The following OOEP variants were observed in gnomAD, a reference collection of about 807,000 sequenced individuals.
OOEP encodes the protein oocyte-expressed protein homolog.
A neutral mutation model predicts 13.7 loss-of-function variants in OOEP; 16 were observed. That is an observed-to-expected ratio of 1.16 (90% CI 0.79 to 1.77). The LOEUF (loss-of-function observed/expected upper bound fraction) is 1.77. Among genes scored for constraint, OOEP ranks in the 40% most tolerant of loss-of-function variants. OOEP has a pLI of 0.00. For missense variants in OOEP, 195 were observed against 193.1 expected (o/e 1.01, Z -0.06); for synonymous variants, 89 against 77.1 (o/e 1.15, Z -0.81).
chr6:73,394,840 C>G, exon 1 of OOEP: 2 of 1,576,814 alleles, frequency 1.3e-6, no homozygotes, highest in Non-Finnish European at 8.6e-7. Context: ...GCTACTCTTA[C>G]GACGTCACGG....
chr6:73,368,988 T>TA (rs1768999820), intron 2 of OOEP, 125 bp from the exon 3 acceptor site: 1 of 852,860 alleles, frequency 1.2e-6, no homozygotes, highest in Admixed American at 2.1e-5. Flanking sequence ...CAGGTGAGGC[T>TA]GACTTGGGCA....
intron 2 of OOEP, among the ~76,000 whole-genome samples, chr6:73,384,829 C>T (rs935856373): frequency 3.9e-5 from 6 of 151,934 alleles, no homozygotes; most frequent in East Asian, 2.0e-4. Context: ...CTGTGCCTCC[C>T]GGGTTCAAGT....
chr6:73,392,874 G>C (rs9350496), intron 2 of OOEP, among the ~76,000 whole-genome samples: 142,826 of 151,590 alleles, frequency 0.94, 67,870 homozygotes, highest in East Asian at 1. Flanking sequence ...TTGTGATCCA[G>C]CCGCCTCTGC....
intron 2 of OOEP, among the ~76,000 whole-genome samples, chr6:73,388,719 C>T (rs1186122817): frequency 1.3e-5 from 2 of 152,222 alleles, no homozygotes; most frequent in East Asian, 3.8e-4. Flanking sequence ...ACATCCATCT[C>T]ACAGGAGTTT....
exon 1 of OOEP, chr6:73,394,750 T>C (rs969021506): frequency 1.7e-5 from 18 of 1,066,934 alleles, no homozygotes; most frequent in South Asian, 8.2e-5. Flanking sequence ...CAGTGCGAAG[T>C]GGGCGGGATA....
chr6:73,394,809 G>C (rs1769425812), exon 1 of OOEP: 1 of 1,531,080 alleles, frequency 6.5e-7, no homozygotes, highest in Non-Finnish European at 8.8e-7. Flanking sequence ...TTAAGTAGCG[G>C]CTGCGTGGCT....
At position 73,376,344 on chromosome 6, in the gene OOEP, G is replaced by GTTT. The variant is rs70994194; in HGVS notation, c.26-6962_26-6960dup. ...TCGCAGCTGTTTTGGACAAGGGGTT[G>GTTT]TTTTTTTTTTTTTTTTTTTTTTTTT... is the stretch of plus-strand genomic sequence containing the variant. On this transcript the variant is annotated intron_variant, in intron 2 of 3. Transcript: ENST00000370363. Among the ~76,000 whole-genome samples the GTTT allele has an allele frequency of 9.3e-3, 960 of 103,320 alleles. 102 individuals are homozygous for GTTT. The highest frequency in any genetic ancestry group is 0.034 in the Admixed American group (308 of 9,022). 67.8% of individuals were successfully genotyped at this position (103,320 alleles called of 152,430 possible).
In OOEP at chr6:73,369,255, C is replaced by A; in HGVS notation, c.321G>T (p.Lys107Asn). Residue 107 changes from lysine to asparagine, a missense_variant, in exon 2 of 3, where the codon AAG (lysine) becomes AAT (asparagine). Transcript: ENST00000370359. ...FGRPRVQNRVKSMLLCLAWFH... is the reference protein window; with the variant it reads ...FGRPRVQNRVNSMLLCLAWFH... ...ACCATGCCAGGCACAGGAGCATGCT[C>A]TTCACCCGATTCTGTACACGGGGCC... 3 of 1,613,938 alleles carry A rather than the reference C, an allele frequency of 1.9e-6. No homozygotes were observed. Among genetic ancestry groups the A allele is most frequent in the Non-Finnish European group, 2.5e-6 (3 of 1,179,864 alleles).
chr6:73,373,184 A>C (rs1769086976), upstream of OOEP: 5 of 1,612,002 alleles, frequency 3.1e-6, no homozygotes, highest in Non-Finnish European at 4.2e-6. Flanking sequence ...TTTCATCCGA[A>C]TCCACTGGGG....
intron 2 of OOEP, among the ~76,000 whole-genome samples, chr6:73,379,500 G>A (rs944668306): frequency 2.0e-5 from 3 of 151,212 alleles, no homozygotes; most frequent in Admixed American, 6.6e-5. Flanking sequence ...AAAATTAGCC[G>A]GGCATGGTAG....
intron 2 of OOEP, among the ~76,000 whole-genome samples, chr6:73,390,754 C>CT (rs530030331): frequency 8.4e-5 from 12 of 143,656 alleles, no homozygotes; most frequent in Middle Eastern, 3.5e-3. Context: ...TTTTTTTTTT[C>CT]TTTTTTTTTC....
intron 2 of OOEP, among the ~76,000 whole-genome samples, chr6:73,376,254 T>C (rs1283181283): frequency 6.6e-6 from 1 of 152,060 alleles, no homozygotes; most frequent in African/African-American, 2.4e-5. Flanking sequence ...AATTTTGTTT[T>C]TCTTTTTTCG....
chr6:73,369,786 C>G lies in OOEP; in HGVS notation c.7G>C (p.Asp3His). The G allele has an allele frequency of 6.2e-7, 1 of 1,613,160 alleles. No individual in the cohort carries two copies. Among genetic ancestry groups the G allele is most frequent in the Non-Finnish European group, 8.5e-7 (1 of 1,179,500 alleles). MV[D>H]DAGAAESQRG... ...TGGGACTCAGCGGCACCAGCATCATCGACCATACTGGGACCAGCAGCCGCG... is the reference window on the plus strand; with the variant it reads ...TGGGACTCAGCGGCACCAGCATCATGGACCATACTGGGACCAGCAGCCGCG... The change falls in exon 1 of 3, where the codon GAT becomes CAT. Residue 3 changes from aspartate (D) to histidine (H), a missense_variant. Transcript: ENST00000370359.
At chr6:73,394,914 C>T (rs1228630761) in exon 1 of OOEP, 1 of 1,614,062 alleles carries the variant, frequency 6.2e-7, no homozygotes. Context: ...CAATGTCCCA[C>T]CACGGAGGAG....
At position 73,394,795 on chromosome 6, in the gene OOEP, C is replaced by T; in HGVS notation, c.-195G>A. The T allele has an allele frequency of 2.0e-6, 3 of 1,487,860 alleles. No homozygotes were observed. The Admixed American group carries it at 6.3e-5, about 31-fold the overall frequency. The allele number at this position is 1,487,860 out of a possible 1,614,324, so 92.2% of individuals were successfully genotyped here. A position where few individuals can be genotyped will look rare whatever the true frequency, so the allele number is the denominator to read the frequency against. On this transcript the variant is annotated 5_prime_UTR_variant, in exon 1 of 4. Coordinates refer to the OOEP transcript ENST00000370363. The stretch of plus-strand genomic sequence containing the variant: ...GGCGGGGGGGCTAGCCTCGTGCGGG[C>T]TCCTTAAGTAGCGGCTGCGTGGCTT...
chr6:73,393,464 GAGT>G (rs1480694602), intron 2 of OOEP, among the ~76,000 whole-genome samples: 2 of 152,202 alleles, frequency 1.3e-5, no homozygotes, highest in Non-Finnish European at 1.5e-5. Context: ...TGAAGCCCTG[GAGT>G]AGTAGTATGT....
At chr6:73,370,867 G>C (rs1769038245), upstream of OOEP, among the ~76,000 whole-genome samples, 1 of 151,940 alleles carries the variant, frequency 6.6e-6, no homozygotes, top group Admixed American at 6.6e-5. Context: ...CTGAAGCCTC[G>C]ACCTCCCAGG....
chr6:73,369,787 G>A lies in OOEP; in HGVS notation c.6C>T (p.Val2=), dbSNP rs754517642. The A allele has an allele frequency of 3.9e-5, 63 of 1,612,434 alleles. No homozygotes were observed. The highest frequency in any genetic ancestry group is 5.3e-5 in the Non-Finnish European group (63 of 1,179,050). The part of the protein sequence containing the change: M[V]DDAGAAESQR... The stretch of plus-strand genomic sequence containing the variant: ...GGGACTCAGCGGCACCAGCATCATC[G>A]ACCATACTGGGACCAGCAGCCGCGG... The change falls in exon 1 of 3, where the codon GTC becomes GTT. Residue 2 remains valine (V), a synonymous_variant. Transcript: ENST00000370359.
rs1769008332 is a variant in OOEP, at chr6:73,369,402, A to G, written c.191-17T>C. 3 of 1,605,488 alleles carry G rather than the reference A, an allele frequency of 1.9e-6. No individual in the cohort carries two copies. The highest frequency in any genetic ancestry group is 2.6e-6 in the Non-Finnish European group (3 of 1,176,050). On this transcript the variant is annotated splice_polypyrimidine_tract_variant and intron_variant, in intron 1 of 2. Transcript: ENST00000370359. The stretch of plus-strand genomic sequence containing the variant: ...GGTCTGGGCCTAAACAAGTAAGGAA[A>G]AACTCTGAGGGGCTGCACGGTGGCA...
Sources: gnomAD v4.1 joint callset for allele counts (sites outside exome capture counted in the v4.1 genomes callset) on GRCh38, gnomAD v4.1.1 for gene constraint, MANE v1.5 for transcripts, NCBI Gene and HGNC (gene_info 2026-07-23, HGNC 2026-07-21) for gene names.